UBQLN1: variants seen among roughly 807,000 people sequenced by gnomAD.
UBQLN1 encodes ubiquilin 1.
A neutral mutation model predicts 65.4 loss-of-function variants in UBQLN1; 13 were observed. The observed-to-expected ratio is 0.20, with a 90% CI of 0.13 to 0.32. The LOEUF is 0.32. UBQLN1 is among the 10% of genes least tolerant of loss of function. The pLI, the probability that UBQLN1 is intolerant of heterozygous loss-of-function variation, is 1.00. For missense variants in UBQLN1, 561 were observed against 724.0 expected, an observed-to-expected ratio of 0.77 and a Z score of 2.58; for synonymous variants, 267 against 247.8, an observed-to-expected ratio of 1.08 and a Z score of -0.73.
intron 1 of UBQLN1, among the ~76,000 whole-genome samples, chr9:83,700,894 C>A (rs979306840): frequency 6.6e-6 from 1 of 152,168 alleles, no homozygotes; most frequent in Admixed American, 6.5e-5. Flanking sequence ...TAGCTTTACA[C>A]AGAGGGTGGC....
chr9:83,697,555 A>C (rs1229523266), intron 1 of UBQLN1, among the ~76,000 whole-genome samples: 16 of 140,198 alleles, frequency 1.1e-4, no homozygotes, highest in Admixed American at 9.8e-4. Flanking sequence ...CTGTCTCAAA[A>C]AAAAAAAAAA....
rs144151099 is a variant in UBQLN1 at position 83,673,677 on chromosome 9, C to T, written c.1105+4050G>A. 4.0e-3 allele frequency among the ~76,000 whole-genome samples: 597 copies of T among 150,810 alleles called. 2 individuals are homozygous for T. The highest frequency in any genetic ancestry group is 6.6e-3 in the Non-Finnish European group (447 of 67,868). ...AAACTATATGAAATTCAAATTTCAACGCCCATGAATACCATTTTATTGGAA... is the reference window on the plus strand; with the variant it reads ...AAACTATATGAAATTCAAATTTCAATGCCCATGAATACCATTTTATTGGAA... On this transcript the variant is annotated intron_variant, in intron 6 of 10. Coordinates refer to ENST00000376395, the MANE Select transcript of UBQLN1 (RefSeq NM_013438.5).
chr9:83,694,664 C>G (rs1832180197), intron 1 of UBQLN1, among the ~76,000 whole-genome samples: 1 of 152,182 alleles, frequency 6.6e-6, no homozygotes. Flanking sequence ...AAATGTTTCA[C>G]TATTCACATG....
At chr9:83,674,109 C>T (rs369619605) in intron 6 of UBQLN1, among the ~76,000 whole-genome samples, 1 of 151,864 alleles carries the variant, frequency 6.6e-6, no homozygotes, top group African/African-American at 2.4e-5. Flanking sequence ...TGGCCTCCTT[C>T]GTACTGTTGT....
intron 4 of UBQLN1, 140 bp from the exon 5 acceptor site, chr9:83,678,739 C>T (rs761026149): frequency 2.0e-5 from 20 of 988,148 alleles, no homozygotes; most frequent in African/African-American, 1.6e-4. Context: ...TTTTTTGAGA[C>T]GGAGTCTTGC....
intron 1 of UBQLN1, among the ~76,000 whole-genome samples, chr9:83,688,695 T>A (rs1417122867): frequency 6.6e-6 from 1 of 152,006 alleles, no homozygotes; most frequent in Non-Finnish European, 1.5e-5. Flanking sequence ...ACCCCGTCTC[T>A]ACTAAAAATA....
In UBQLN1 at chr9:83,683,044, G is replaced by C. The variant is rs746222187; in HGVS notation, c.355C>G (p.Gln119Glu). 6.2e-6 allele frequency: 10 copies of C among 1,611,454 alleles called. No homozygotes were observed. Among genetic ancestry groups the C allele is most frequent in the Middle Eastern group, 2.2e-4 (1 of 4,592 alleles). ...QNRPQDHSAQ[Q>E]TNTAGSNVTT... ...ACATTGCTTCCAGCTGTATTTGTTT[G>C]CTGAGCTGAATGATCCTGAGGCCTA... Residue 119 changes from glutamine (Q) to glutamate (E), a missense_variant, in exon 3 of 11, where the codon CAA (glutamine) becomes GAA (glutamate). Coordinates refer to ENST00000376395, the MANE Select transcript of UBQLN1 (RefSeq NM_013438.5).
chr9:83,669,761 G>C (rs1218739328), intron 6 of UBQLN1, among the ~76,000 whole-genome samples: 1 of 152,158 alleles, frequency 6.6e-6, no homozygotes, highest in Non-Finnish European at 1.5e-5. Context: ...CATGCCCAAG[G>C]CAACAAAAGA....
At chr9:83,704,730 G>A (rs937083718) in intron 1 of UBQLN1, among the ~76,000 whole-genome samples, 6 of 151,498 alleles carry the variant, frequency 4.0e-5, no homozygotes, top group African/African-American at 1.2e-4. Context: ...GGGAAGCTGG[G>A]GTGGGAGAAT....
chr9:83,691,033 G>A (rs1266844699), intron 1 of UBQLN1, among the ~76,000 whole-genome samples: 2 of 151,856 alleles, frequency 1.3e-5, no homozygotes, highest in South Asian at 2.1e-4. Flanking sequence ...AGCTACTCGG[G>A]AGGCTAAGGC....
chr9:83,705,528 C>T (rs1203111491), intron 1 of UBQLN1, among the ~76,000 whole-genome samples: 4 of 152,184 alleles, frequency 2.6e-5, no homozygotes, highest in African/African-American at 9.7e-5. Context: ...CAGGTGTGAG[C>T]CACCGCATCC....
Position 83,660,165 on chromosome 9 carries a change from T to C in UBQLN1, c.*1622A>G, listed in dbSNP as rs1410652687. On this transcript the variant is annotated 3_prime_UTR_variant, in exon 11 of 11. Transcript: ENST00000376395. Reference sequence around the variant, plus strand: ...ACTTATGCCTCCACCGTAACCTTTGTACTTGTTTTCCTCCTGGGGAAAGTG... The same window carrying C: ...ACTTATGCCTCCACCGTAACCTTTGCACTTGTTTTCCTCCTGGGGAAAGTG... 5 of 152,606 alleles carry C rather than the reference T, an allele frequency of 3.3e-5. No individual in the cohort carries two copies. The highest frequency in any genetic ancestry group is 7.3e-5 in the Non-Finnish European group (5 of 68,032). 9.5% of individuals were successfully genotyped at this position (152,606 alleles called of 1,614,324 possible).
chr9:83,700,894 C>G (rs979306840), intron 1 of UBQLN1, among the ~76,000 whole-genome samples: 1 of 152,168 alleles, frequency 6.6e-6, no homozygotes, highest in Non-Finnish European at 1.5e-5. Flanking sequence ...TAGCTTTACA[C>G]AGAGGGTGGC....
chr9:83,686,548 C>T (rs970866931), intron 1 of UBQLN1, among the ~76,000 whole-genome samples: 1 of 152,276 alleles, frequency 6.6e-6, no homozygotes, highest in African/African-American at 2.4e-5. Context: ...CGATCCTCTG[C>T]TAAGGCCTAA....
chr9:83,665,337 A>C, intron 8 of UBQLN1, 192 bp from the exon 9 acceptor site: 1 of 451,072 alleles, frequency 2.2e-6, no homozygotes, highest in East Asian at 3.5e-5. Context: ...GCAAATTATT[A>C]CTTGACCTCC....
chr9:83,678,050 C>G (rs1256778451), intron 5 of UBQLN1, 89 bp from the exon 6 acceptor site: 1 of 1,022,864 alleles, frequency 9.8e-7, no homozygotes, highest in East Asian at 2.7e-5. Flanking sequence ...GAGACGGAGT[C>G]TCGCTCTGTG....
chr9:83,698,509 T>C (rs1832257497), intron 1 of UBQLN1, among the ~76,000 whole-genome samples: 1 of 152,202 alleles, frequency 6.6e-6, no homozygotes, highest in Admixed American at 6.5e-5. Context: ...AAATAAAGCA[T>C]ATTAAAATTA....
Position 83,683,080 on chromosome 9 carries a change from T to A in UBQLN1, c.333-14A>T, listed in dbSNP as rs1370219684. 1 of 1,576,434 alleles carries A rather than the reference T, an allele frequency of 6.3e-7. No individual in the cohort carries two copies. On this transcript the variant is annotated splice_polypyrimidine_tract_variant and intron_variant, in intron 2 of 10. Transcript: ENST00000376395. The stretch of plus-strand genomic sequence containing the variant: ...TGATCCTGAGGCCTAGGGAAAATAA[T>A]TAATCACAGAGTAAGCAGTAGAGCT...
intron 7 of UBQLN1, chr9:83,668,849 C>T (rs766517845): frequency 8.6e-6 from 2 of 231,466 alleles, no homozygotes; most frequent in Non-Finnish European, 1.5e-5. Flanking sequence ...CTCTTAATTG[C>T]TTTCAAGATT....
Sources: allele counts gnomAD v4.1 joint callset (sites outside exome capture counted in the v4.1 genomes callset), GRCh38; gene constraint gnomAD v4.1.1; transcripts MANE v1.5; gene names NCBI Gene and HGNC (gene_info 2026-07-23, HGNC 2026-07-21).